Variants in KIAA1549L observed in about 807,000 individuals in gnomAD.
KIAA1549L encodes KIAA1549 like, also known as UPF0606 protein KIAA1549L.
KIAA1549L carries 88 observed loss-of-function variants against 160.7 expected under a neutral mutation model. The observed-to-expected ratio is 0.55, with a 90% CI of 0.46 to 0.65. The LOEUF (loss-of-function observed/expected upper bound fraction) is 0.65. KIAA1549L is among the 30% of genes least tolerant of loss of function. The pLI, the probability that KIAA1549L is intolerant of heterozygous loss-of-function variation, is 0.00. For missense variants in KIAA1549L, 2,258 were observed against 2,437.5 expected (o/e 0.93, Z 1.55); for synonymous variants, 950 against 976.7 (o/e 0.97, Z 0.51).
chr11:33,407,535 G>A (rs929935397), intron 1 of KIAA1549L, among the ~76,000 whole-genome samples: 3 of 152,008 alleles, frequency 2.0e-5, no homozygotes, highest in African/African-American at 7.2e-5. Flanking sequence ...TTTCAGTAGA[G>A]ACGGGGTTTC....
At chr11:33,433,797 A>T (rs571625945) in intron 1 of KIAA1549L, among the ~76,000 whole-genome samples, 1 of 152,204 alleles carries the variant, frequency 6.6e-6, no homozygotes, top group Admixed American at 6.6e-5. Flanking sequence ...AGAGACTTAG[A>T]TGAAGCTGGA....
rs1335821868 is a variant in KIAA1549L at position 33,668,322 on chromosome 11, G to A, written c.*168G>A. ...TTCTGGGAACAGGAAACTCTTGAACGACTAGATTCTTGGCTCATCCAACTG... is the reference window on the plus strand; with the variant it reads ...TTCTGGGAACAGGAAACTCTTGAACAACTAGATTCTTGGCTCATCCAACTG... On this transcript the variant is annotated 3_prime_UTR_variant, in exon 21 of 21. Coordinates refer to ENST00000658780, the MANE Select transcript of KIAA1549L (RefSeq NM_012194.3). 10 of 669,824 alleles carry A rather than the reference G, an allele frequency of 1.5e-5. No homozygotes were observed. The highest frequency in any genetic ancestry group is 2.2e-5 in the Non-Finnish European group (9 of 401,334). The allele number at this position is 669,824 out of a possible 1,614,324, so 41.5% of individuals were successfully genotyped here. A position where few individuals can be genotyped will look rare whatever the true frequency, so the allele number is the denominator to read the frequency against.
intron 1 of KIAA1549L, among the ~76,000 whole-genome samples, chr11:33,464,864 AT>A (rs1026742172): frequency 4.6e-5 from 7 of 151,366 alleles, no homozygotes; most frequent in African/African-American, 1.7e-4. Flanking sequence ...TTCCATTCAG[AT>A]TTTTTTTAGC....
At chr11:33,627,537 A>G (rs1449361113) in intron 16 of KIAA1549L, among the ~76,000 whole-genome samples, 1 of 151,834 alleles carries the variant, frequency 6.6e-6, no homozygotes, top group African/African-American at 2.4e-5. Context: ...TTTCTAGTTT[A>G]TTTGCATAGA....
At chr11:33,517,996 C>G (rs892306936) in intron 1 of KIAA1549L, among the ~76,000 whole-genome samples, 4 of 151,634 alleles carry the variant, frequency 2.6e-5, no homozygotes, top group Admixed American at 2.6e-4. Flanking sequence ...AAAAATTAGC[C>G]AGGTGTGGTG....
At chr11:33,599,042 C>G in intron 13 of KIAA1549L, 95 bp downstream of exon 13, 2 of 1,420,392 alleles carry the variant, frequency 1.4e-6, no homozygotes, top group Non-Finnish European at 1.9e-6. Context: ...CACACACAGC[C>G]ACTGGGCTCT....
chr11:33,569,442 T>C (rs776787447), intron 9 of KIAA1549L, among the ~76,000 whole-genome samples: 1 of 152,244 alleles, frequency 6.6e-6, no homozygotes, highest in Non-Finnish European at 1.5e-5. Flanking sequence ...CCCTGATTGA[T>C]GATTGACCAC....
At chr11:33,657,470 CCT>C (rs1182436604) in intron 18 of KIAA1549L, among the ~76,000 whole-genome samples, 1 of 150,998 alleles carries the variant, frequency 6.6e-6, no homozygotes, top group African/African-American at 2.4e-5. Context: ...TTTGTCTACC[CCT>C]GTCATTGTAT....
rs1854776171 is a variant in KIAA1549L, at chr11:33,559,756, G to A, written c.3863G>A (p.Ser1288Asn). ...TKSNLTIQIV[S>N]TSNASQAVTL... is the part of the protein sequence containing the mutation. ...TCTCCTGTGTTGATTCAGATTGTGA[G>A]CACGTCCAATGCCTCCCAGGCAGTC... is the stretch of plus-strand genomic sequence containing the variant. Residue 1288 changes from serine to asparagine, a missense_variant, in exon 7 of 21, where the codon AGC becomes AAC. By Grantham distance (46) the Ser-to-Asn change is conservative. Transcript: ENST00000658780. 1.2e-6 allele frequency: 2 copies of A among 1,613,800 alleles called. No individual in the cohort carries two copies. Among genetic ancestry groups the A allele is most frequent in the Non-Finnish European group, 1.7e-6 (2 of 1,179,780 alleles).
rs1382568105 is a variant in KIAA1549L, at chr11:33,674,052, T to A, written c.*5898T>A. ...CCGGGAACAGAGTGTTCATATGCTG[T>A]TAGAATTTTTTATTGTAAAATAAAA... is the stretch of plus-strand genomic sequence containing the variant. On this transcript the variant is annotated 3_prime_UTR_variant, in exon 21 of 21. Coordinates refer to ENST00000658780, the MANE Select transcript of KIAA1549L (RefSeq NM_012194.3). 6.6e-6 allele frequency: 1 copy of A among 152,244 alleles called. No homozygotes were observed. Among genetic ancestry groups the A allele is most frequent in the Non-Finnish European group, 1.5e-5 (1 of 68,050 alleles). 9.4% of individuals were successfully genotyped at this position (152,244 alleles called of 1,614,324 possible).
At chr11:33,435,502 C>T (rs895225720) in intron 1 of KIAA1549L, among the ~76,000 whole-genome samples, 2 of 151,794 alleles carry the variant, frequency 1.3e-5, no homozygotes, top group Admixed American at 6.6e-5. Flanking sequence ...AATGAAGAGA[C>T]TTGTTGCAAG....
chr11:33,668,166 C>T lies in KIAA1549L; in HGVS notation c.*12C>T, dbSNP rs79522431. 93,362 of 1,607,204 alleles carry T rather than the reference C, an allele frequency of 0.058. 2,960 individuals are homozygous for T. Among genetic ancestry groups the T allele is most frequent in the Non-Finnish European group, 0.065 (76,353 of 1,176,092 alleles). ...AGTTCCAGGTCTAACGCCTTAGCCC[C>T]GTGGGACTCTGGACTTCCAAACTCT... On this transcript the variant is annotated 3_prime_UTR_variant, in exon 21 of 21. Coordinates refer to ENST00000658780, the MANE Select transcript of KIAA1549L (RefSeq NM_012194.3).
intron 1 of KIAA1549L, among the ~76,000 whole-genome samples, chr11:33,477,510 C>T (rs895193792): frequency 4.8e-5 from 7 of 146,942 alleles, no homozygotes; most frequent in African/African-American, 2.6e-5. Context: ...GGTGCACGCA[C>T]ACACACACAA....
At chr11:33,394,332 T>C (rs1343209268) in intron 1 of KIAA1549L, among the ~76,000 whole-genome samples, 1 of 152,008 alleles carries the variant, frequency 6.6e-6, no homozygotes, top group African/African-American at 2.4e-5. Context: ...GCTGCAGTGA[T>C]CTGAGATCAT....
rs1850604488 is a variant in KIAA1549L at position 33,609,884 on chromosome 11, T to C, written c.5197T>C (p.Tyr1733His). Residue 1733 changes from tyrosine to histidine, a missense_variant, in exon 15 of 21, where the codon TAT becomes CAT. Tyr to His is a moderately conservative substitution (Grantham distance 83). Transcript: ENST00000658780. ...GGGTCTGACCGAAAGAAAGAAGATG[T>C]ATGAAAAAGCCCCGAAGGAAATGGA... Reference protein sequence around the residue: ...SKGLTERKKMYEKAPKEMEHV... With the variant: ...SKGLTERKKMHEKAPKEMEHV... 1.2e-6 allele frequency: 2 copies of C among 1,613,968 alleles called. No homozygotes were observed. The highest frequency in any genetic ancestry group is 4.5e-5 in the East Asian group (2 of 44,882).
chr11:33,409,539 G>A (rs1317588261), intron 1 of KIAA1549L, among the ~76,000 whole-genome samples: 1 of 152,108 alleles, frequency 6.6e-6, no homozygotes, highest in East Asian at 1.9e-4. Flanking sequence ...ACACACTGTG[G>A]ATTGTGACTT....
At chr11:33,618,408 C>A in intron 15 of KIAA1549L, 125 bp from the exon 16 acceptor site, 1 of 769,566 alleles carries the variant, frequency 1.3e-6, no homozygotes, top group Middle Eastern at 2.5e-4. Context: ...GGAATAAATG[C>A]CATCAATTCT....
chr11:33,453,224 G>A lies in KIAA1549L; in HGVS notation c.238+76335G>A, dbSNP rs575622511. Among the ~76,000 whole-genome samples the A allele has an allele frequency of 5.3e-5, 8 of 152,280 alleles. No individual in the cohort carries two copies. The South Asian group carries it at 1.7e-3, about 32-fold the overall frequency. Reference sequence around the variant, plus strand: ...GAACTGTGAAAATTTGAGATTTCATGGAGTCATATTTCTGAAAAGAACATC... The same window carrying A: ...GAACTGTGAAAATTTGAGATTTCATAGAGTCATATTTCTGAAAAGAACATC... On this transcript the variant is annotated intron_variant, in intron 1 of 20. Coordinates refer to ENST00000658780, the MANE Select transcript of KIAA1549L (RefSeq NM_012194.3).
At chr11:33,517,887 A>G (rs1047136503) in intron 1 of KIAA1549L, among the ~76,000 whole-genome samples, 1 of 152,058 alleles carries the variant, frequency 6.6e-6, no homozygotes, top group Non-Finnish European at 1.5e-5. Context: ...CACACCTGTA[A>G]TCCTAGCACT....
Sources: allele counts gnomAD v4.1 joint callset (sites outside exome capture counted in the v4.1 genomes callset), GRCh38; gene constraint gnomAD v4.1.1; transcripts MANE v1.5; gene names NCBI Gene and HGNC (gene_info 2026-07-23, HGNC 2026-07-21).